LRFN2: variants seen among roughly 807,000 people sequenced by gnomAD.
LRFN2 encodes leucine rich repeat and fibronectin type III domain containing 2.
In LRFN2, 18 loss-of-function variants were observed where a neutral mutation model predicts 37.3. That is an observed-to-expected ratio of 0.48 (90% CI 0.33 to 0.72). The LOEUF (loss-of-function observed/expected upper bound fraction) is 0.72. LRFN2 is among the 30% of genes least tolerant of loss of function. LRFN2 has a pLI of 0.02. For synonymous variants in LRFN2, 556 were observed against 466.6 expected, an observed-to-expected ratio of 1.19 and a Z score of -2.47; for missense variants, 1,006 against 1,060.7, an observed-to-expected ratio of 0.95 and a Z score of 0.72.
chr6:40,577,584 TC>T (rs1767311709), intron 1 of LRFN2, among the ~76,000 whole-genome samples: 1 of 57,232 alleles, frequency 1.7e-5, no homozygotes, highest in East Asian at 4.4e-4. Context: ...CCCTCTCCCC[TC>T]CCCCCACCCC....
chr6:40,436,130 T>C (rs1019200381), intron 1 of LRFN2, among the ~76,000 whole-genome samples: 1 of 152,218 alleles, frequency 6.6e-6, no homozygotes, highest in African/African-American at 2.4e-5. Flanking sequence ...ATATCCTCAA[T>C]ATAATTATTA....
At chr6:40,406,670 G>A (rs569580614) in intron 2 of LRFN2, among the ~76,000 whole-genome samples, 11 of 152,340 alleles carry the variant, frequency 7.2e-5, no homozygotes, top group African/African-American at 2.4e-4. Flanking sequence ...CATGGGGGCC[G>A]TGGTCTGACA....
intron 2 of LRFN2, among the ~76,000 whole-genome samples, chr6:40,414,219 T>C (rs1763044229): frequency 6.6e-6 from 1 of 152,144 alleles, no homozygotes; most frequent in Admixed American, 6.5e-5. Context: ...CAGGGGGCTA[T>C]GAAGGTGCCT....
At chr6:40,495,474 T>C (rs1765203292) in intron 1 of LRFN2, among the ~76,000 whole-genome samples, 1 of 152,196 alleles carries the variant, frequency 6.6e-6, no homozygotes, top group African/African-American at 2.4e-5. Flanking sequence ...GGGCATTTAC[T>C]CCTACTTTTC....
At chr6:40,402,556 AT>A (rs1176263855) in intron 2 of LRFN2, among the ~76,000 whole-genome samples, 1 of 152,224 alleles carries the variant, frequency 6.6e-6, no homozygotes, top group African/African-American at 2.4e-5. Flanking sequence ...GTATTAGTTA[AT>A]TTAACCTTGG....
intron 1 of LRFN2, among the ~76,000 whole-genome samples, chr6:40,468,879 A>C (rs1764530948): frequency 6.6e-6 from 1 of 152,134 alleles, no homozygotes; most frequent in South Asian, 2.1e-4. Context: ...TTTGAAGTGC[A>C]GTGAGTGGCA....
At chr6:40,490,619 T>C (rs1765068796) in intron 1 of LRFN2, among the ~76,000 whole-genome samples, 1 of 152,306 alleles carries the variant, frequency 6.6e-6, no homozygotes, top group East Asian at 1.9e-4. Context: ...CCTCTAGAGC[T>C]CACCATGGCT....
chr6:40,567,453 A>T (rs1480744025), intron 1 of LRFN2, among the ~76,000 whole-genome samples: 1 of 152,120 alleles, frequency 6.6e-6, no homozygotes, highest in East Asian at 1.9e-4. Context: ...CCAGTCCCTA[A>T]AGAGCATAAG....
At chr6:40,515,755 TGG>T (rs1166363226) in intron 1 of LRFN2, among the ~76,000 whole-genome samples, 1 of 151,896 alleles carries the variant, frequency 6.6e-6, no homozygotes, top group African/African-American at 2.4e-5. Flanking sequence ...TAGCCAGGCG[TGG>T]TGCCATGTGA....
At position 40,499,096 on chromosome 6, in the gene LRFN2, G is replaced by C. The variant is rs567402069; in HGVS notation, c.-18-65965C>G. Among the ~76,000 whole-genome samples, 10 of 152,298 alleles carry C rather than the reference G, an allele frequency of 6.6e-5. No individual in the cohort carries two copies. In the South Asian group the frequency reaches 1.9e-3, roughly 28 times the overall value. On this transcript the variant is annotated intron_variant, in intron 1 of 2. Transcript: ENST00000338305. ...GCAACTCACTTAGAATGAGGAAGGA[G>C]GAGGCCCTTTAAAGTTCAAAGTCAG...
At chr6:40,566,676 T>C (rs1767096135) in intron 1 of LRFN2, among the ~76,000 whole-genome samples, 1 of 151,296 alleles carries the variant, frequency 6.6e-6, no homozygotes, top group South Asian at 2.1e-4. Flanking sequence ...TAGGTGGGAA[T>C]TGAACAATGA....
intron 1 of LRFN2, among the ~76,000 whole-genome samples, chr6:40,472,578 C>G (rs1052880530): frequency 6.6e-6 from 1 of 152,196 alleles, no homozygotes; most frequent in Non-Finnish European, 1.5e-5. Context: ...CATTCAGATT[C>G]ACCCCGTGTA....
intron 1 of LRFN2, among the ~76,000 whole-genome samples, chr6:40,464,356 G>C (rs546205297): frequency 6.6e-6 from 1 of 152,210 alleles, no homozygotes; most frequent in Non-Finnish European, 1.5e-5. Flanking sequence ...ATGCAACAAT[G>C]TTGAGAGTTG....
intron 1 of LRFN2, among the ~76,000 whole-genome samples, chr6:40,447,090 G>T (rs958061577): frequency 1.3e-5 from 2 of 151,654 alleles, no homozygotes; most frequent in Non-Finnish European, 2.9e-5. Flanking sequence ...CTGAGTCAGG[G>T]CTGTGTCTCC....
intron 2 of LRFN2, among the ~76,000 whole-genome samples, chr6:40,415,426 A>G (rs899737951): frequency 1.7e-4 from 26 of 152,044 alleles, no homozygotes; most frequent in Non-Finnish European, 3.2e-4. Context: ...AGGTTTCACC[A>G]TGTTGGCCAG....
At chr6:40,419,496 C>G (rs1266459564) in intron 2 of LRFN2, among the ~76,000 whole-genome samples, 1 of 152,198 alleles carries the variant, frequency 6.6e-6, no homozygotes, top group Non-Finnish European at 1.5e-5. Flanking sequence ...CCCAGCCCAG[C>G]CCAGGCCAGA....
intron 1 of LRFN2, among the ~76,000 whole-genome samples, chr6:40,466,920 A>T (rs58590585): frequency 0.07 from 10,570 of 152,076 alleles, 637 homozygotes; most frequent in African/African-American, 0.15. Flanking sequence ...GGTATTCTTA[A>T]AAGAAGTAAA....
chr6:40,508,349 C>G (rs770893538), intron 1 of LRFN2, among the ~76,000 whole-genome samples: 7 of 152,224 alleles, frequency 4.6e-5, no homozygotes, highest in Non-Finnish European at 1.0e-4. Context: ...CCACAGCTTC[C>G]CACTGTAGCT....
intron 1 of LRFN2, among the ~76,000 whole-genome samples, chr6:40,570,839 C>T (rs1208915970): frequency 6.6e-6 from 1 of 152,198 alleles, no homozygotes; most frequent in Non-Finnish European, 1.5e-5. Flanking sequence ...GTTCATGGTT[C>T]CCTCAGGGTG....
Sources: allele counts gnomAD v4.1 joint callset (sites outside exome capture counted in the v4.1 genomes callset), GRCh38; gene constraint gnomAD v4.1.1; transcripts MANE v1.5; gene names NCBI Gene and HGNC (gene_info 2026-07-23, HGNC 2026-07-21).